PPP2R2C: variants seen among roughly 807,000 people sequenced by gnomAD.
PPP2R2C encodes the protein protein phosphatase 2, regulatory subunit B, gamma.
In PPP2R2C, 10 loss-of-function variants were observed where a neutral mutation model predicts 45.3. The ratio of observed to expected loss-of-function variants is 0.22; its 90% CI spans 0.14 to 0.37. The LOEUF (loss-of-function observed/expected upper bound fraction) is 0.37. PPP2R2C is among the 10% of genes least tolerant of loss of function. The pLI is 1.00. For synonymous variants in PPP2R2C, 257 were observed against 245.4 expected (o/e 1.05, Z -0.44); for missense variants, 308 against 619.7 (o/e 0.50, Z 5.34).
intron 5 of PPP2R2C, among the ~76,000 whole-genome samples, chr4:6,370,928 A>G (rs1043043012): frequency 6.6e-6 from 1 of 152,122 alleles, no homozygotes; most frequent in Non-Finnish European, 1.5e-5. Context: ...TCAGGTCCCA[A>G]TCCTTCCTGG....
At chr4:6,438,487 C>T (rs1235135423) in intron 1 of PPP2R2C, among the ~76,000 whole-genome samples, 1 of 152,242 alleles carries the variant, frequency 6.6e-6, no homozygotes, top group African/African-American at 2.4e-5. Context: ...CATAATTCAG[C>T]TCCCTCCCTT....
Position 6,472,150 on chromosome 4 carries a change from C to T in PPP2R2C, c.70+10G>A. 3 of 1,613,524 alleles carry T rather than the reference C, an allele frequency of 1.9e-6. No homozygotes were observed. Among genetic ancestry groups the T allele is most frequent in the East Asian group, 4.5e-5 (2 of 44,824 alleles). ...CCGGCCGGAGGGGTCTCAGACAACA[C>T]GTACGTTACCTTCAGTCACATAGCT... On this transcript the variant is annotated intron_variant, in intron 1 of 8. Transcript: ENST00000382599.
intron 2 of PPP2R2C, among the ~76,000 whole-genome samples, chr4:6,524,518 C>T (rs535048204): frequency 5.3e-5 from 8 of 152,332 alleles, no homozygotes; most frequent in African/African-American, 1.7e-4. Flanking sequence ...TCCACGTCTG[C>T]ACCGTGATCA....
At chr4:6,510,990 C>CAAAAA (rs1389589810) in intron 2 of PPP2R2C, among the ~76,000 whole-genome samples, 2 of 130,912 alleles carry the variant, frequency 1.5e-5, no homozygotes, top group East Asian at 2.2e-4. Context: ...CAAAAAAAAA[C>CAAAAA]AAACAAACAA....
chr4:6,432,593 G>A (rs1210391305), intron 1 of PPP2R2C, among the ~76,000 whole-genome samples: 2 of 152,206 alleles, frequency 1.3e-5, no homozygotes, highest in African/African-American at 4.8e-5. Context: ...CAGTAATATG[G>A]TGCACAGGTC....
At chr4:6,436,269 T>C (rs1379159636) in intron 1 of PPP2R2C, among the ~76,000 whole-genome samples, 3 of 152,336 alleles carry the variant, frequency 2.0e-5, no homozygotes, top group Non-Finnish European at 4.4e-5. Context: ...CACCAGCCAA[T>C]GCACTTGTTC....
At position 6,329,017 on chromosome 4, in the gene PPP2R2C, T is replaced by C. The variant is rs899139359; in HGVS notation, c.1052+245A>G. Among the ~76,000 whole-genome samples the C allele has an allele frequency of 6.6e-6, 1 of 152,214 alleles. No homozygotes were observed. The highest frequency in any genetic ancestry group is 1.5e-5 in the Non-Finnish European group (1 of 68,028). On this transcript the variant is annotated intron_variant, in intron 8 of 8. Coordinates refer to ENST00000382599, the MANE Select transcript of PPP2R2C (RefSeq NM_020416.4). The surrounding 1 kb of genome is among the most constrained non-coding windows in gnomAD (Gnocchi z 5.8). ...CTAAACATGTTCCCACTACTGCCCA[T>C]AGGGCAGGCGCCAACGTGGCTGTGA...
chr4:6,472,395 CG>C lies in PPP2R2C; in HGVS notation c.-167del. 5.8e-6 allele frequency: 3 copies of C among 519,636 alleles called. No individual in the cohort carries two copies. Among genetic ancestry groups the C allele is most frequent in the Non-Finnish European group, 4.9e-6 (2 of 410,124 alleles). The allele number at this position is 519,636 out of a possible 1,614,324, so 32.2% of individuals were successfully genotyped here. A position where few individuals can be genotyped will look rare whatever the true frequency, so the allele number is the denominator to read the frequency against. ...CGGCAGGGGGACGGGCGGGGGCGGC[CG>C]GGGGCGGGCGCCGCGGTCAAGCGAG... On this transcript the variant is annotated 5_prime_UTR_variant, in exon 1 of 9. Coordinates refer to ENST00000382599, the MANE Select transcript of PPP2R2C (RefSeq NM_020416.4).
At chr4:6,544,970 T>A (rs578034238) in intron 1 of PPP2R2C, among the ~76,000 whole-genome samples, 1 of 152,196 alleles carries the variant, frequency 6.6e-6, no homozygotes, top group African/African-American at 2.4e-5. Context: ...TTTTTATAAT[T>A]TCCTCAGGAT....
At chr4:6,463,195 C>T (rs894216452) in intron 1 of PPP2R2C, among the ~76,000 whole-genome samples, 2 of 152,222 alleles carry the variant, frequency 1.3e-5, no homozygotes, top group African/African-American at 4.8e-5. Flanking sequence ...TGCCTGAAAG[C>T]CTTGCTGGTT....
intron 6 of PPP2R2C, among the ~76,000 whole-genome samples, chr4:6,343,329 C>A (rs1009450548): frequency 6.6e-6 from 1 of 151,886 alleles, no homozygotes; most frequent in Non-Finnish European, 1.5e-5. Context: ...TTTGCTGGCA[C>A]GAAAGAGAAA....
chr4:6,375,758 C>T (rs953997710), intron 4 of PPP2R2C, 61 bp downstream of exon 4: 1 of 1,361,344 alleles, frequency 7.3e-7, no homozygotes, highest in Non-Finnish European at 1.0e-6. Context: ...GCTTTTCCAG[C>T]CCTAAAATCC....
intron 1 of PPP2R2C, among the ~76,000 whole-genome samples, chr4:6,454,136 G>A (rs950757369): frequency 4.6e-5 from 7 of 152,160 alleles, no homozygotes; most frequent in East Asian, 1.9e-4. Context: ...GCTCAGGAGC[G>A]GGGCAGTGGC....
chr4:6,536,780 G>A (rs1724632139), intron 1 of PPP2R2C, among the ~76,000 whole-genome samples: 1 of 152,256 alleles, frequency 6.6e-6, no homozygotes, highest in Non-Finnish European at 1.5e-5. Context: ...TGTTTGTAAT[G>A]GCAAGTATTG....
At chr4:6,452,535 C>T (rs1223206597) in intron 1 of PPP2R2C, among the ~76,000 whole-genome samples, 1 of 152,222 alleles carries the variant, frequency 6.6e-6, no homozygotes, top group Non-Finnish European at 1.5e-5. Context: ...GAAGAGGAAA[C>T]TGAGGCCCAG....
intron 2 of PPP2R2C, among the ~76,000 whole-genome samples, chr4:6,489,375 C>T (rs1722624427): frequency 6.6e-6 from 1 of 152,148 alleles, no homozygotes; most frequent in African/African-American, 2.4e-5. Flanking sequence ...AAGCCCTGAA[C>T]CCTCCCTCCA....
intron 1 of PPP2R2C, among the ~76,000 whole-genome samples, chr4:6,392,936 T>C (rs914539563): frequency 6.6e-6 from 1 of 152,184 alleles, no homozygotes; most frequent in Admixed American, 6.5e-5. Flanking sequence ...AAGCTCTCCA[T>C]CCCACCCCTC....
At chr4:6,441,347 G>A (rs1720141379) in intron 1 of PPP2R2C, among the ~76,000 whole-genome samples, 1 of 151,998 alleles carries the variant, frequency 6.6e-6, no homozygotes, top group Non-Finnish European at 1.5e-5. Context: ...CTCACTCCAT[G>A]GCTTAAAGCC....
chr4:6,380,863 G>T, intron 2 of PPP2R2C, 134 bp downstream of exon 2: 2 of 1,343,902 alleles, frequency 1.5e-6, no homozygotes, highest in Non-Finnish European at 2.0e-6. Flanking sequence ...TTGTGGGTTG[G>T]AGTATAGTCC....
Sources: allele counts gnomAD v4.1 joint callset (sites outside exome capture counted in the v4.1 genomes callset), GRCh38; gene constraint gnomAD v4.1.1; non-coding constraint Gnocchi (gnomAD v3.1); transcripts MANE v1.5; gene names NCBI Gene and HGNC (gene_info 2026-07-23, HGNC 2026-07-21).